F2R: variants seen among roughly 807,000 people sequenced by gnomAD.
The protein encoded by F2R is proteinase-activated receptor 1.
Under a neutral mutation model 18.3 loss-of-function variants are expected in F2R, and 12 were observed. The observed-to-expected ratio is 0.66, with a 90% CI of 0.42 to 1.06. The LOEUF (loss-of-function observed/expected upper bound fraction) is 1.06. Among genes scored for constraint, F2R ranks in the 50% least tolerant of loss-of-function variants. F2R has a pLI of 0.00. For synonymous variants in F2R, 210 were observed against 219.9 expected, an observed-to-expected ratio of 0.95 and a Z score of 0.40; for missense variants, 438 against 530.8, an observed-to-expected ratio of 0.83 and a Z score of 1.72.
intron 1 of F2R, among the ~76,000 whole-genome samples, chr5:76,725,270 A>C (rs1748534585): frequency 6.6e-6 from 1 of 152,230 alleles, no homozygotes; most frequent in South Asian, 2.1e-4. Flanking sequence ...ACAGTTAAAG[A>C]GTCCGTATTT....
chr5:76,725,740 C>T (rs1429218794), intron 1 of F2R, among the ~76,000 whole-genome samples: 2 of 152,084 alleles, frequency 1.3e-5, no homozygotes, highest in Non-Finnish European at 2.9e-5. Context: ...AGGGATTATA[C>T]ATTCTTCCTG....
In F2R at chr5:76,732,722, G is replaced by A. The variant is rs775623100; in HGVS notation, c.497G>A (p.Ser166Asn). The part of the protein sequence containing the change: ...PFKISYYFSG[S>N]DWQFGSELCR... ...AAGATCAGCTATTACTTTTCCGGCA[G>A]TGATTGGCAGTTTGGGTCTGAATTG... is the stretch of plus-strand genomic sequence containing the variant. The change falls in exon 2 of 2, where the codon AGT (serine) becomes AAT (asparagine). Residue 166 changes from serine (S) to asparagine (N), a missense_variant. Ser to Asn is a conservative substitution (Grantham distance 46). Coordinates refer to ENST00000319211, the MANE Select transcript of F2R (RefSeq NM_001992.5). 1 of 1,614,116 alleles carries A rather than the reference G, an allele frequency of 6.2e-7. No individual in the cohort carries two copies. The highest frequency in any genetic ancestry group is 1.3e-5 in the African/African-American group (1 of 74,928).
Position 76,733,089 on chromosome 5 carries a change from C to A in F2R, c.864C>A (p.Val288=), listed in dbSNP as rs745475424. Residue 288 remains valine (V), a synonymous_variant, in exon 2 of 2, where the codon GTC becomes GTA. Coordinates refer to ENST00000319211, the MANE Select transcript of F2R (RefSeq NM_001992.5). ...TTGTGCCGCTGATCATTTCCACGGTCTGTTATGTGTCTATCATTCGATGTC... is the reference window on the plus strand; with the variant it reads ...TTGTGCCGCTGATCATTTCCACGGTATGTTATGTGTCTATCATTCGATGTC... ...FFFVPLIIST[V]CYVSIIRCLS... 6.2e-7 allele frequency: 1 copy of A among 1,614,184 alleles called. No homozygotes were observed. The highest frequency in any genetic ancestry group is 8.5e-7 in the Non-Finnish European group (1 of 1,180,034).
rs529977516 is a variant in F2R, at chr5:76,732,682, T to C, written c.457T>C (p.Ser153Pro). The change falls in exon 2 of 2, where the codon TCT (serine) becomes CCT (proline). Residue 153 changes from serine to proline, a missense_variant. Physicochemically the swap from Ser to Pro is moderately conservative, Grantham distance 74 (BLOSUM62 -1). Coordinates refer to ENST00000319211, the MANE Select transcript of F2R (RefSeq NM_001992.5). The stretch of plus-strand genomic sequence containing the variant: ...GGCCACGGCAGATGTGCTGTTTGTG[T>C]CTGTGCTCCCCTTTAAGATCAGCTA... ...HLATADVLFV[S>P]VLPFKISYYF... 6.2e-7 allele frequency: 1 copy of C among 1,614,216 alleles called. No individual in the cohort carries two copies. Among genetic ancestry groups the C allele is most frequent in the South Asian group, 1.1e-5 (1 of 91,086 alleles).
chr5:76,717,875 G>A (rs553259607), intron 1 of F2R, among the ~76,000 whole-genome samples: 5 of 152,140 alleles, frequency 3.3e-5, no homozygotes, highest in Admixed American at 2.0e-4. Context: ...AAGTCAAAGC[G>A]TACTGGTTTC....
In F2R at chr5:76,733,354, G is replaced by C. The variant is rs373698768; in HGVS notation, c.1129G>C (p.Glu377Gln). 6.1e-5 allele frequency: 98 copies of C among 1,614,004 alleles called. No homozygotes were observed. The highest frequency in any genetic ancestry group is 7.6e-5 in the Non-Finnish European group (90 of 1,180,036). ...DPLIYYYASS[E>Q]CQRYVYSILC... is the part of the protein sequence containing the mutation. Reference sequence around the variant, plus strand: ...CCTAATTTACTATTACGCTTCCTCTGAGTGCCAGAGGTACGTCTACAGTAT... The same window carrying C: ...CCTAATTTACTATTACGCTTCCTCTCAGTGCCAGAGGTACGTCTACAGTAT... The change falls in exon 2 of 2, where the codon GAG (glutamate) becomes CAG (glutamine). Residue 377 changes from glutamate to glutamine, a missense_variant. Coordinates refer to ENST00000319211, the MANE Select transcript of F2R (RefSeq NM_001992.5).
intron 1 of F2R, chr5:76,716,910 T>A (rs1748357294): frequency 2.1e-6 from 1 of 481,754 alleles, no homozygotes; most frequent in African/African-American, 2.0e-5. Context: ...TAGCAGAGAA[T>A]CAGTACCAGC....
intron 1 of F2R, among the ~76,000 whole-genome samples, chr5:76,732,111 G>A (rs982114301): frequency 3.9e-5 from 6 of 152,012 alleles, no homozygotes; most frequent in East Asian, 3.9e-4. Context: ...AGGAAGTATT[G>A]CTTATATCAA....
chr5:76,728,707 T>TC (rs1748616329), intron 1 of F2R, among the ~76,000 whole-genome samples: 1 of 149,438 alleles, frequency 6.7e-6, no homozygotes, highest in African/African-American at 2.5e-5. Flanking sequence ...TTTTTTTTTT[T>TC]TGAGATGGGG....
chr5:76,716,855 A>G, intron 1 of F2R: 1 of 522,924 alleles, frequency 1.9e-6, no homozygotes. Context: ...TTTACAGGCG[A>G]GAAAAGTGAT....
chr5:76,728,839 C>T (rs959048092), intron 1 of F2R, among the ~76,000 whole-genome samples: 4 of 152,054 alleles, frequency 2.6e-5, no homozygotes, highest in South Asian at 2.1e-4. Context: ...TATAGGTATG[C>T]GCTACCAAGC....
At chr5:76,731,568 C>T (rs1471645469) in intron 1 of F2R, among the ~76,000 whole-genome samples, 1 of 150,444 alleles carries the variant, frequency 6.6e-6, no homozygotes, top group African/African-American at 2.5e-5. Context: ...CTCACTCTGT[C>T]GCCCAGGTTG....
intron 1 of F2R, among the ~76,000 whole-genome samples, chr5:76,719,739 G>A (rs1748412075): frequency 6.6e-6 from 1 of 152,178 alleles, no homozygotes; most frequent in Non-Finnish European, 1.5e-5. Flanking sequence ...CCCTAGTACA[G>A]TATGGATTTA....
At chr5:76,718,494 G>A (rs37243) in intron 1 of F2R, among the ~76,000 whole-genome samples, 65,872 of 152,106 alleles carry the variant, frequency 0.43, 15,637 homozygotes, top group East Asian at 0.71. Context: ...GAGGGGCGGT[G>A]AAGCCCTCCC....
At chr5:76,716,905 G>A (rs747999291) in intron 1 of F2R, 12 of 489,626 alleles carry the variant, frequency 2.5e-5, no homozygotes, top group Admixed American at 1.7e-4. Context: ...ATGTTTAGCA[G>A]AGAATCAGTA....
chr5:76,733,100 C>T lies in F2R; in HGVS notation c.875C>T (p.Ser292Phe), dbSNP rs1245699409. The change falls in exon 2 of 2, where the codon TCT becomes TTT. Residue 292 changes from serine (S) to phenylalanine (F), a missense_variant. Physicochemically the swap from Ser to Phe is radical, Grantham distance 155 (BLOSUM62 -2). Coordinates refer to ENST00000319211, the MANE Select transcript of F2R (RefSeq NM_001992.5). Reference sequence around the variant, plus strand: ...ATCATTTCCACGGTCTGTTATGTGTCTATCATTCGATGTCTTAGCTCTTCC... The same window carrying T: ...ATCATTTCCACGGTCTGTTATGTGTTTATCATTCGATGTCTTAGCTCTTCC... ...PLIISTVCYV[S>F]IIRCLSSSAV... 1 of 1,614,102 alleles carries T rather than the reference C, an allele frequency of 6.2e-7. No homozygotes were observed. The highest frequency in any genetic ancestry group is 1.3e-5 in the African/African-American group (1 of 74,936).
intron 1 of F2R, among the ~76,000 whole-genome samples, chr5:76,727,500 T>C (rs991898558): frequency 1.3e-5 from 2 of 152,186 alleles, no homozygotes; most frequent in Non-Finnish European, 2.9e-5. Context: ...GAGACATTCA[T>C]TCCTTCCCTG....
intron 1 of F2R, among the ~76,000 whole-genome samples, chr5:76,728,862 TG>T (rs1351000617): frequency 2.6e-5 from 4 of 152,150 alleles, no homozygotes; most frequent in Non-Finnish European, 5.9e-5. Context: ...GGCTAATTTT[TG>T]TAATTTTAGT....
intron 1 of F2R, among the ~76,000 whole-genome samples, chr5:76,719,365 G>T (rs908850501): frequency 6.6e-6 from 1 of 152,160 alleles, no homozygotes; most frequent in South Asian, 2.1e-4. Context: ...CAAAGCAGGG[G>T]GATCACTTGA....
Sources: gnomAD v4.1 joint callset for allele counts (sites outside exome capture counted in the v4.1 genomes callset) on GRCh38, gnomAD v4.1.1 for gene constraint, MANE v1.5 for transcripts, NCBI Gene and HGNC (gene_info 2026-07-23, HGNC 2026-07-21) for gene names.